The following SMCO4 variants were observed in gnomAD, a reference collection of about 807,000 sequenced individuals.
SMCO4 encodes single-pass membrane protein with coiled-coil domains 4, also known as single-pass membrane and coiled-coil domain-containing protein 4.
A neutral mutation model predicts 3.6 loss-of-function variants in SMCO4; 4 were observed. That is an observed-to-expected ratio of 1.11 (90% CI 0.54 to 2.53). The LOEUF (loss-of-function observed/expected upper bound fraction) is 2.53. Among genes scored for constraint, SMCO4 ranks in the 30% most tolerant of loss-of-function variants. The probability of loss-of-function intolerance (pLI) is 0.02; values close to 1 mark genes in which losing one functional copy is unlikely to be tolerated. For missense variants in SMCO4, 70 were observed against 80.8 expected, an observed-to-expected ratio of 0.87 and a Z score of 0.51; for synonymous variants, 36 against 35.3, an observed-to-expected ratio of 1.02 and a Z score of -0.07.
chr11:93,491,094 C>T (rs1275616282), intron 2 of SMCO4, among the ~76,000 whole-genome samples: 2 of 152,254 alleles, frequency 1.3e-5, no homozygotes, highest in Admixed American at 1.3e-4. Flanking sequence ...GTTCCCTCGA[C>T]TTCATTTGCT....
intron 1 of SMCO4, among the ~76,000 whole-genome samples, chr11:93,522,195 A>G (rs1591322422): frequency 1.3e-5 from 2 of 152,278 alleles, no homozygotes; most frequent in East Asian, 3.9e-4. Context: ...ATATGTCCTC[A>G]GGGGCAGATG....
chr11:93,511,099 A>G (rs1210520549), intron 1 of SMCO4, among the ~76,000 whole-genome samples: 2 of 152,180 alleles, frequency 1.3e-5, no homozygotes. Flanking sequence ...ACTCCGTCTC[A>G]AAATGGGACA....
chr11:93,536,705 AGTC>A (rs1396454780), intron 1 of SMCO4, among the ~76,000 whole-genome samples: 1 of 152,202 alleles, frequency 6.6e-6, no homozygotes, highest in Non-Finnish European at 1.5e-5. Context: ...GAATGTGACA[AGTC>A]TGCTGTGTCC....
In SMCO4 at chr11:93,509,272, A is replaced by T. The variant is rs1308881179; in HGVS notation, c.-153-9924T>A. ...CACTGCTGTACTTTAGCTAAGCAAC[A>T]GAATGAGACCCTGACTCAAAAATGG... On this transcript the variant is annotated intron_variant, in intron 1 of 2. Transcript: ENST00000298966. Among the ~76,000 whole-genome samples the T allele has an allele frequency of 5.3e-5, 8 of 151,342 alleles. No homozygotes were observed. The East Asian group carries it at 1.4e-3, about 26-fold the overall frequency.
In SMCO4 at chr11:93,478,761, G is replaced by A. The variant is rs1386399231; in HGVS notation, c.*249C>T. ...CACACACACACACACACATGCGCGC[G>A]CGCTTTGAAGTCTGAAAGGCACATG... On this transcript the variant is annotated 3_prime_UTR_variant, in exon 3 of 3. Coordinates refer to ENST00000298966, the MANE Select transcript of SMCO4 (RefSeq NM_020179.3). 4.8e-5 allele frequency: 48 copies of A among 1,006,036 alleles called. No homozygotes were observed. Among genetic ancestry groups the A allele is most frequent in the South Asian group, 4.5e-4 (17 of 38,144 alleles). The allele number at this position is 1,006,036 out of a possible 1,614,324, so 62.3% of individuals were successfully genotyped here. A position where few individuals can be genotyped will look rare whatever the true frequency, so the allele number is the denominator to read the frequency against.
At position 93,522,018 on chromosome 11, in the gene SMCO4, A is replaced by C. The variant is rs535677209; in HGVS notation, c.-154+21258T>G. Among the ~76,000 whole-genome samples, 10 of 152,288 alleles carry C rather than the reference A, an allele frequency of 6.6e-5. No individual in the cohort carries two copies. In the South Asian group the frequency reaches 1.9e-3, roughly 28 times the overall value. ...CATTTAAAAATGTATCAACCCACTA[A>C]ATCAATTCTCTGACTGTGGATTGTG... On this transcript the variant is annotated intron_variant, in intron 1 of 2. Coordinates refer to ENST00000298966, the MANE Select transcript of SMCO4 (RefSeq NM_020179.3).
At chr11:93,502,768 A>G (rs376380203) in intron 1 of SMCO4, among the ~76,000 whole-genome samples, 12 of 152,342 alleles carry the variant, frequency 7.9e-5, no homozygotes, top group African/African-American at 2.9e-4. Context: ...CTTATCCAAC[A>G]AAAGGACAGA....
At chr11:93,533,654 A>T (rs1009462865) in intron 1 of SMCO4, among the ~76,000 whole-genome samples, 1 of 152,098 alleles carries the variant, frequency 6.6e-6, no homozygotes, top group Non-Finnish European at 1.5e-5. Flanking sequence ...TGGGGCTCTG[A>T]TGTGCACAAA....
intron 1 of SMCO4, among the ~76,000 whole-genome samples, chr11:93,532,704 C>T (rs1328857792): frequency 6.6e-6 from 1 of 152,130 alleles, no homozygotes; most frequent in Non-Finnish European, 1.5e-5. Context: ...CTCCCACAAG[C>T]CAAGAATACC....
intron 1 of SMCO4, among the ~76,000 whole-genome samples, chr11:93,534,124 G>A (rs147880138): frequency 0.013 from 1,997 of 151,036 alleles, 15 homozygotes; most frequent in Non-Finnish European, 0.021. Context: ...CTGGGAGGCA[G>A]AGGTTGAAAT....
chr11:93,506,133 G>A (rs986524501), intron 1 of SMCO4, among the ~76,000 whole-genome samples: 1 of 152,148 alleles, frequency 6.6e-6, no homozygotes, highest in Non-Finnish European at 1.5e-5. Flanking sequence ...ACACGGGGAG[G>A]GAGAGGTGGT....
chr11:93,537,562 CA>C (rs1949237387), intron 1 of SMCO4, among the ~76,000 whole-genome samples: 1 of 151,946 alleles, frequency 6.6e-6, no homozygotes, highest in South Asian at 2.1e-4. Context: ...CACACCCAAA[CA>C]CGCACCTAAA....
At chr11:93,514,406 A>ATG (rs1565383049) in intron 1 of SMCO4, among the ~76,000 whole-genome samples, 53 of 30,282 alleles carry the variant, frequency 1.8e-3, no homozygotes, top group Admixed American at 5.8e-3. Flanking sequence ...ATATATATAT[A>ATG]TATATATATA....
Position 93,497,869 on chromosome 11 carries a change from T to C in SMCO4, c.-81+1407A>G, listed in dbSNP as rs975243702. ...TGTGAGAGACAGTTGCTGGTTACTG[T>C]TAGGCAGAAAGGGCTGAGTCAAGTC... On this transcript the variant is annotated intron_variant, in intron 2 of 2. Coordinates refer to ENST00000298966, the MANE Select transcript of SMCO4 (RefSeq NM_020179.3). Among the ~76,000 whole-genome samples the C allele has an allele frequency of 5.3e-5, 8 of 152,232 alleles. No homozygotes were observed. In the South Asian group the frequency reaches 6.2e-4, roughly 12 times the overall value.
intron 1 of SMCO4, among the ~76,000 whole-genome samples, chr11:93,522,830 T>C (rs1949070620): frequency 6.6e-6 from 1 of 152,118 alleles, no homozygotes; most frequent in African/African-American, 2.4e-5. Context: ...TTATAACACA[T>C]AAAGACTTAA....
At position 93,515,879 on chromosome 11, in the gene SMCO4, A is replaced by G. The variant is rs529310907; in HGVS notation, c.-153-16531T>C. On this transcript the variant is annotated intron_variant, in intron 1 of 2. Coordinates refer to ENST00000298966, the MANE Select transcript of SMCO4 (RefSeq NM_020179.3). Reference sequence around the variant, plus strand: ...AGCAACACAACAGCAGCTCTGTCCAAAGACACCTATCCATCAAATCCTCTC... The same window carrying G: ...AGCAACACAACAGCAGCTCTGTCCAGAGACACCTATCCATCAAATCCTCTC... Among the ~76,000 whole-genome samples the G allele has an allele frequency of 2.1e-3, 317 of 152,280 alleles. 5 individuals carry two copies. Among genetic ancestry groups the G allele is most frequent in the Non-Finnish European group, 3.1e-4 (21 of 68,014 alleles).
At chr11:93,535,790 C>T in intron 1 of SMCO4, 1 of 1,612,028 alleles carries the variant, frequency 6.2e-7, no homozygotes, top group South Asian at 1.1e-5. Flanking sequence ...AAGACCAAAG[C>T]AGCAGCAGCA....
intron 1 of SMCO4, among the ~76,000 whole-genome samples, chr11:93,523,678 C>A (rs563934766): frequency 6.6e-6 from 1 of 152,286 alleles, no homozygotes; most frequent in East Asian, 1.9e-4. Flanking sequence ...CAGAAAACCT[C>A]AAATTTAGTT....
upstream of SMCO4, among the ~76,000 whole-genome samples, chr11:93,547,059 T>G (rs544154769): frequency 6.6e-6 from 1 of 152,320 alleles, no homozygotes; most frequent in South Asian, 2.1e-4. Context: ...ACAAAAAAAT[T>G]TGGTGCACAT....
Sources: allele counts gnomAD v4.1 joint callset (sites outside exome capture counted in the v4.1 genomes callset), GRCh38; gene constraint gnomAD v4.1.1; transcripts MANE v1.5; gene names NCBI Gene and HGNC (gene_info 2026-07-23, HGNC 2026-07-21).